FAT3: variants seen among roughly 807,000 people sequenced by gnomAD.
FAT3 encodes the protein FAT atypical cadherin 3.
A neutral mutation model predicts 310.2 loss-of-function variants in FAT3; 95 were observed. The ratio of observed to expected loss-of-function variants is 0.31; its 90% confidence interval spans 0.26 to 0.36. The LOEUF (loss-of-function observed/expected upper bound fraction) is 0.36. Among genes scored for constraint, FAT3 ranks in the 10% least tolerant of loss-of-function variants. The pLI is 1.00. For synonymous variants in FAT3, 2,314 were observed against 2,192.9 expected (o/e 1.06, Z -1.54); for missense variants, 5,408 against 5,715.6 (o/e 0.95, Z 1.74).
intron 3 of FAT3, among the ~76,000 whole-genome samples, chr11:92,592,876 T>G (rs1236617920): frequency 6.6e-6 from 1 of 152,154 alleles, no homozygotes; most frequent in East Asian, 1.9e-4. Flanking sequence ...TAAAATTCAG[T>G]AGTATTACGT....
rs529664323 is a variant in FAT3, at chr11:92,433,189, C to T, written c.3292+77785C>T. 3.8e-4 allele frequency among the ~76,000 whole-genome samples: 58 copies of T among 152,322 alleles called. 2 individuals carry two copies. The Middle Eastern group carries it at 0.01, about 27-fold the overall frequency. ...GTTGGCCCCATGGGGGTAGGATCCACTGAACAAGACCACTTGGCTCCCTGG... is the reference window on the plus strand; with the variant it reads ...GTTGGCCCCATGGGGGTAGGATCCATTGAACAAGACCACTTGGCTCCCTGG... On this transcript the variant is annotated intron_variant, in intron 2 of 27. Coordinates refer to ENST00000525166, the MANE Select transcript of FAT3 (RefSeq NM_001367949.2).
chr11:92,814,957 A>G (rs961855978), intron 13 of FAT3, among the ~76,000 whole-genome samples: 2 of 152,214 alleles, frequency 1.3e-5, no homozygotes, highest in Non-Finnish European at 2.9e-5. Flanking sequence ...AGGAGCCAGG[A>G]AGTTGGGAAA....
At position 92,886,267 on chromosome 11, in the gene FAT3, A is replaced by G. The variant is rs1337284945; in HGVS notation, c.12938-733A>G. Among the ~76,000 whole-genome samples, 3 of 152,030 alleles carry G rather than the reference A, an allele frequency of 2.0e-5. No homozygotes were observed. The South Asian group carries it at 6.2e-4, about 32-fold the overall frequency. On this transcript the variant is annotated intron_variant, in intron 24 of 27. Coordinates refer to ENST00000525166, the MANE Select transcript of FAT3 (RefSeq NM_001367949.2). ...CTACTAATTCATTTTGCACTTGGCA[A>G]CCTCAAGATATAGGCTGTTTTTATT...
intron 22 of FAT3, among the ~76,000 whole-genome samples, chr11:92,868,510 T>C (rs1242757631): frequency 6.6e-6 from 1 of 152,200 alleles, no homozygotes; most frequent in African/African-American, 2.4e-5. Context: ...TTATGACAAG[T>C]CATGGCTAGT....
chr11:92,832,893 C>G (rs1565633298), intron 14 of FAT3, among the ~76,000 whole-genome samples: 1 of 152,144 alleles, frequency 6.6e-6, no homozygotes, highest in Non-Finnish European at 1.5e-5. Context: ...CATCGGTGAG[C>G]TGGAACTGGT....
At chr11:92,597,334 T>G (rs192426179) in intron 3 of FAT3, among the ~76,000 whole-genome samples, 1 of 152,330 alleles carries the variant, frequency 6.6e-6, no homozygotes, top group East Asian at 1.9e-4. Flanking sequence ...TAGGACATCA[T>G]TATTCTTGAT....
At chr11:92,875,834 A>G (rs1949519474) in intron 22 of FAT3, among the ~76,000 whole-genome samples, 1 of 152,214 alleles carries the variant, frequency 6.6e-6, no homozygotes, top group Non-Finnish European at 1.5e-5. Flanking sequence ...ACAAAAGATG[A>G]TGAAAACGGC....
chr11:92,848,657 G>T (rs1948744839), intron 19 of FAT3, among the ~76,000 whole-genome samples: 1 of 152,254 alleles, frequency 6.6e-6, no homozygotes, highest in South Asian at 2.1e-4. Context: ...TGCCTGATTT[G>T]TCAAGTCTTT....
intron 10 of FAT3, among the ~76,000 whole-genome samples, chr11:92,803,469 G>T (rs181985431): frequency 1.3e-5 from 2 of 152,360 alleles, no homozygotes; most frequent in Admixed American, 1.3e-4. Context: ...GAGAGGTTAA[G>T]TTTGTGTGCA....
At chr11:92,413,680 G>A (rs984743703) in intron 2 of FAT3, among the ~76,000 whole-genome samples, 3 of 152,156 alleles carry the variant, frequency 2.0e-5, no homozygotes, top group African/African-American at 7.2e-5. Context: ...CTGCTTGAAC[G>A]ACAAGCCATA....
chr11:92,860,266 G>A (rs1287939177), intron 21 of FAT3, among the ~76,000 whole-genome samples: 1 of 152,204 alleles, frequency 6.6e-6, no homozygotes, highest in Non-Finnish European at 1.5e-5. Flanking sequence ...GAGGAGGACA[G>A]TGGTTCAGAG....
chr11:92,872,548 GA>G (rs1949414803), intron 22 of FAT3, among the ~76,000 whole-genome samples: 1 of 151,992 alleles, frequency 6.6e-6, no homozygotes, highest in Non-Finnish European at 1.5e-5. Flanking sequence ...TGGTACCTTG[GA>G]AAAAAACCTC....
intron 3 of FAT3, chr11:92,559,472 A>T (rs1346883614): frequency 5.3e-6 from 2 of 377,578 alleles, no homozygotes; most frequent in African/African-American, 4.3e-5. Context: ...GCAATCTCGA[A>T]CTCCTGGATT....
At chr11:92,867,301 C>A in intron 22 of FAT3, 92 bp downstream of exon 22, 1 of 1,295,540 alleles carries the variant, frequency 7.7e-7, no homozygotes, top group Non-Finnish European at 1.0e-6. Context: ...AACGCAAGGA[C>A]TCTACTAGAG....
At chr11:92,406,912 C>A (rs1480451371) in intron 2 of FAT3, among the ~76,000 whole-genome samples, 1 of 152,176 alleles carries the variant, frequency 6.6e-6, no homozygotes, top group East Asian at 1.9e-4. Flanking sequence ...GAGGAATCCA[C>A]TCTACAGAGC....
At position 92,694,465 on chromosome 11, in the gene FAT3, A is replaced by G. The variant is rs544189047; in HGVS notation, c.3608-2919A>G. On this transcript the variant is annotated intron_variant, in intron 3 of 27. Transcript: ENST00000525166. Reference sequence around the variant, plus strand: ...CCTGTCTCTCTCTGTTGGCTGATCAATATGTGAGAAACACATCCAGGTGAA... The same window carrying G: ...CCTGTCTCTCTCTGTTGGCTGATCAGTATGTGAGAAACACATCCAGGTGAA... Among the ~76,000 whole-genome samples the G allele has an allele frequency of 1.1e-3, 164 of 152,314 alleles. 1 individual carries two copies. Among genetic ancestry groups the G allele is most frequent in the African/African-American group, 3.8e-3 (156 of 41,560 alleles).
chr11:92,854,368 G>T (rs1381240002), intron 19 of FAT3, among the ~76,000 whole-genome samples: 1 of 152,080 alleles, frequency 6.6e-6, no homozygotes. Context: ...GGCAGCTGTG[G>T]CTGTGCCCAG....
intron 3 of FAT3, among the ~76,000 whole-genome samples, chr11:92,536,567 A>G (rs1379922893): frequency 2.0e-5 from 3 of 152,184 alleles, no homozygotes; most frequent in Non-Finnish European, 4.4e-5. Context: ...GGTATTTTGC[A>G]TGTAGTATAC....
rs1948699150 is a variant in FAT3, at chr11:92,355,254, G to C, written c.3142G>C (p.Val1048Leu). The change falls in exon 2 of 28, where the codon GTT (valine) becomes CTT (leucine). Residue 1048 changes from valine to leucine, a missense_variant. Around this residue, in one of 5 missense-constraint regions of FAT3, gnomAD observed 4,588 missense variants for 4,809.8 expected, o/e 0.95. Coordinates refer to ENST00000525166, the MANE Select transcript of FAT3 (RefSeq NM_001367949.2). ...CACTCCCTATTTCCCAGACTTTGCT[G>C]TTGTTGGATCTGTAAAGGAAAACTC... is the stretch of plus-strand genomic sequence containing the variant. ...LHTPYFPDFA[V>L]VGSVKENSRI... 1 of 1,613,720 alleles carries C rather than the reference G, an allele frequency of 6.2e-7. No homozygotes were observed. Among genetic ancestry groups the C allele is most frequent in the Non-Finnish European group, 8.5e-7 (1 of 1,179,872 alleles).
Sources: gnomAD v4.1 joint callset for allele counts (sites outside exome capture counted in the v4.1 genomes callset) on GRCh38, gnomAD v4.1.1 for gene constraint, gnomAD v4.1.1 regional missense constraint, MANE v1.5 for transcripts, NCBI Gene and HGNC (gene_info 2026-07-23, HGNC 2026-07-21) for gene names.